Variants in RAG1 observed in about 807,000 individuals in gnomAD.
RAG1 encodes V(D)J recombination-activating protein 1.
Under a neutral mutation model 62.7 loss-of-function variants are expected in RAG1, and 35 were observed. The observed-to-expected ratio is 0.56, with a 90% CI of 0.43 to 0.74. The LOEUF (loss-of-function observed/expected upper bound fraction) is 0.74, where lower values mean the gene tolerates loss of function less well. RAG1 is among the 30% of genes least tolerant of loss of function. The probability of loss-of-function intolerance (pLI) is 0.00; values close to 1 mark genes in which losing one functional copy is unlikely to be tolerated. For missense variants in RAG1, 1,169 were observed against 1,278.6 expected (o/e 0.91, Z 1.31); for synonymous variants, 461 against 470.3 (o/e 0.98, Z 0.26).
intron 1 of RAG1, among the ~76,000 whole-genome samples, chr11:36,517,307 C>A (rs184111286): frequency 3.1e-4 from 47 of 152,306 alleles, no homozygotes; most frequent in Middle Eastern, 6.8e-3. Flanking sequence ...CAAATTGTCT[C>A]TTGTGAGGCT....
At chr11:36,549,765 T>G (rs1311488770) in intron 3 of RAG1, among the ~76,000 whole-genome samples, 16 of 152,156 alleles carry the variant, frequency 1.1e-4, no homozygotes, top group Non-Finnish European at 2.2e-4. Flanking sequence ...CATTACTGAG[T>G]ATATGCCCAA....
At chr11:36,540,362 A>T (rs138552365), downstream of RAG1, among the ~76,000 whole-genome samples, 278 of 152,282 alleles carry the variant, frequency 1.8e-3, no homozygotes, top group African/African-American at 6.4e-3. Flanking sequence ...AGTGCCAGTG[A>T]ACTTTTCAAA....
rs1442078114 is a variant in RAG1, at chr11:36,577,398, A to G, written c.*962A>G. 1.2e-5 allele frequency: 2 copies of G among 167,118 alleles called. No individual in the cohort carries two copies. The highest frequency in any genetic ancestry group is 1.9e-4 in the East Asian group (1 of 5,194). The allele number at this position is 167,118 out of a possible 1,614,324, so 10.4% of individuals were successfully genotyped here. A position where few individuals can be genotyped will look rare whatever the true frequency, so the allele number is the denominator to read the frequency against. On this transcript the variant is annotated 3_prime_UTR_variant, in exon 2 of 2. Transcript: ENST00000299440. ...AAACATTTTGCCAGACTTTCTCCAAATGAAACCTGAATCAATTTTTCTAAA... is the reference window on the plus strand; with the variant it reads ...AAACATTTTGCCAGACTTTCTCCAAGTGAAACCTGAATCAATTTTTCTAAA...
intron 3 of RAG1, among the ~76,000 whole-genome samples, chr11:36,560,294 T>A (rs1850564249): frequency 6.6e-6 from 1 of 152,094 alleles, no homozygotes; most frequent in South Asian, 2.1e-4. Context: ...GATCAGTCCT[T>A]GGGTAATGGG....
Position 36,573,587 on chromosome 11 carries a change from G to C in RAG1, c.283G>C (p.Glu95Gln). 1.9e-6 allele frequency: 3 copies of C among 1,614,162 alleles called. No individual in the cohort carries two copies. The highest frequency in any genetic ancestry group is 2.5e-6 in the Non-Finnish European group (3 of 1,180,034). The change falls in exon 2 of 2, where the codon GAG becomes CAG. Residue 95 changes from glutamate to glutamine, a missense_variant. This residue lies in a region of RAG1 where 369 missense variants were observed against 335.3 expected (regional missense o/e 1.10). Coordinates refer to ENST00000299440, the MANE Select transcript of RAG1 (RefSeq NM_000448.3). Reference sequence around the variant, plus strand: ...GTTTTCAAAGAAATTTCACGACAACGAGAAAGCAAGAGGCAAAGCGATCCA... The same window carrying C: ...GTTTTCAAAGAAATTTCACGACAACCAGAAAGCAAGAGGCAAAGCGATCCA... ...PKFSKKFHDN[E>Q]KARGKAIHQA...
intron 1 of RAG1, among the ~76,000 whole-genome samples, chr11:36,569,087 G>T (rs922581553): frequency 6.6e-6 from 1 of 152,174 alleles, no homozygotes; most frequent in African/African-American, 2.4e-5. Flanking sequence ...AAGTAACGGG[G>T]TGTATGTGTG....
At chr11:36,540,596 C>G (rs1327637331), downstream of RAG1, among the ~76,000 whole-genome samples, 1 of 152,016 alleles carries the variant, frequency 6.6e-6, no homozygotes, top group African/African-American at 2.4e-5. Context: ...TTAGTAGAGA[C>G]GGGGTTTCAC....
chr11:36,545,676 G>C (rs1442566350), intron 3 of RAG1, among the ~76,000 whole-genome samples: 1 of 152,114 alleles, frequency 6.6e-6, no homozygotes, highest in African/African-American at 2.4e-5. Flanking sequence ...TCCAGCTTCT[G>C]TTCTTCTATT....
chr11:36,538,657 G>A (rs552753157), downstream of RAG1, among the ~76,000 whole-genome samples: 4 of 152,276 alleles, frequency 2.6e-5, no homozygotes, highest in Admixed American at 2.0e-4. Context: ...GTTTTTTGAG[G>A]AGTCTTTAAC....
upstream of RAG1, chr11:36,565,675 T>A (rs1478079562): frequency 6.6e-6 from 1 of 152,246 alleles, no homozygotes; most frequent in Non-Finnish European, 1.5e-5. Flanking sequence ...TGATGCAAGT[T>A]AAGGTTTGCT....
upstream of RAG1, among the ~76,000 whole-genome samples, chr11:36,566,130 T>G (rs2133285321): frequency 6.6e-6 from 1 of 152,288 alleles, no homozygotes; most frequent in Admixed American, 6.5e-5. Flanking sequence ...GGTCTGAACC[T>G]CACACCTTCA....
chr11:36,547,222 G>C (rs1850407286), intron 3 of RAG1, among the ~76,000 whole-genome samples: 1 of 152,038 alleles, frequency 6.6e-6, no homozygotes, highest in African/African-American at 2.4e-5. Context: ...AAAAGAACTA[G>C]AGAAGCAAGA....
intron 1 of RAG1, among the ~76,000 whole-genome samples, chr11:36,514,500 C>T (rs977161270): frequency 3.9e-5 from 6 of 152,088 alleles, no homozygotes; most frequent in East Asian, 1.9e-4. Context: ...ACATTTATTG[C>T]GCACTTTATT....
chr11:36,514,639 G>A (rs1859971396), intron 1 of RAG1, among the ~76,000 whole-genome samples: 1 of 152,208 alleles, frequency 6.6e-6, no homozygotes, highest in South Asian at 2.1e-4. Context: ...GAGAGACAGT[G>A]GCAGATCATC....
chr11:36,539,686 C>A (rs1860385918), downstream of RAG1, among the ~76,000 whole-genome samples: 1 of 152,174 alleles, frequency 6.6e-6, no homozygotes, highest in Admixed American at 6.5e-5. Flanking sequence ...CTACATTGGC[C>A]AGGCTGGCCT....
At position 36,577,952 on chromosome 11, in the gene RAG1, C is replaced by G. The variant is rs1850877516; in HGVS notation, c.*1516C>G. On this transcript the variant is annotated 3_prime_UTR_variant, in exon 2 of 2. Transcript: ENST00000299440. ...GATAGAAGAAAGCAACACAAAAGCTCCAAAGGGCCCCCTAACCCTCTTGTG... is the reference window on the plus strand; with the variant it reads ...GATAGAAGAAAGCAACACAAAAGCTGCAAAGGGCCCCCTAACCCTCTTGTG... The G allele has an allele frequency of 6.0e-6, 1 of 167,042 alleles. No individual in the cohort carries two copies. The highest frequency in any genetic ancestry group is 6.5e-5 in the Admixed American group (1 of 15,280). 10.3% of individuals were successfully genotyped at this position (167,042 alleles called of 1,614,324 possible).
At chr11:36,524,353 G>A (rs202015916) in intron 2 of RAG1, among the ~76,000 whole-genome samples, 147 of 139,390 alleles carry the variant, frequency 1.1e-3, no homozygotes, top group Non-Finnish European at 1.6e-3. Flanking sequence ...AAAAAAAAAA[G>A]AAAAGAAAAG....
At chr11:36,551,513 T>A (rs1421235120) in intron 3 of RAG1, among the ~76,000 whole-genome samples, 1 of 152,042 alleles carries the variant, frequency 6.6e-6, no homozygotes, top group African/African-American at 2.4e-5. Context: ...TCCCTCTGTG[T>A]GTGTCTGTGT....
chr11:36,535,467 C>T (rs998852485), intron 2 of RAG1, among the ~76,000 whole-genome samples: 1 of 152,072 alleles, frequency 6.6e-6, no homozygotes, highest in African/African-American at 2.4e-5. Flanking sequence ...AATATATACT[C>T]ACATATAGGC....
Sources: gnomAD v4.1 joint callset for allele counts (sites outside exome capture counted in the v4.1 genomes callset) on GRCh38, gnomAD v4.1.1 for gene constraint, gnomAD v4.1.1 regional missense constraint, MANE v1.5 for transcripts, NCBI Gene and HGNC (gene_info 2026-07-23, HGNC 2026-07-21) for gene names.